The following SORBS2 variants were observed in gnomAD, a reference collection of about 807,000 sequenced individuals.
SORBS2 encodes sorbin and SH3 domain containing 2, also known as sorbin and SH3 domain-containing protein 2.
Under a neutral mutation model 97.7 loss-of-function variants are expected in SORBS2, and 46 were observed. The observed-to-expected ratio is 0.47, with a 90% CI of 0.37 to 0.60. The LOEUF is 0.60. SORBS2 is among the 20% of genes least tolerant of loss of function. The pLI is 0.00. For missense variants in SORBS2, 1,316 were observed against 1,282.3 expected, an observed-to-expected ratio of 1.03 and a Z score of -0.40; for synonymous variants, 476 against 473.4, an observed-to-expected ratio of 1.01 and a Z score of -0.07.
chr4:185,586,840 C>A (rs1301978916), exon 15 of SORBS2: 1 of 152,614 alleles, frequency 6.6e-6, no homozygotes, highest in Non-Finnish European at 1.5e-5. Context: ...TATAAAATAG[C>A]GATGCAACTT....
chr4:185,950,861 G>A (rs71624726), intron 1 of SORBS2, among the ~76,000 whole-genome samples: 2,847 of 152,270 alleles, frequency 0.019, 40 homozygotes, highest in Non-Finnish European at 0.027. Flanking sequence ...GTCTCTAAGA[G>A]CAGAATAGGA....
At chr4:185,810,409 G>GA (rs1350382991) in intron 1 of SORBS2, among the ~76,000 whole-genome samples, 1 of 152,072 alleles carries the variant, frequency 6.6e-6, no homozygotes, top group Non-Finnish European at 1.5e-5. Context: ...GATTTTGGAG[G>GA]AAAAAGGTAG....
intron 1 of SORBS2, among the ~76,000 whole-genome samples, chr4:185,827,258 C>CCAT (rs1561211077): frequency 5.2e-5 from 1 of 19,398 alleles, no homozygotes; most frequent in Non-Finnish European, 1.2e-4. Context: ...ATCATCATCA[C>CCAT]CATCATCACC....
intron 2 of SORBS2, among the ~76,000 whole-genome samples, chr4:185,711,911 G>A (rs1050425104): frequency 6.6e-6 from 1 of 152,062 alleles, no homozygotes; most frequent in Non-Finnish European, 1.5e-5. Context: ...CACTGATGGA[G>A]TTTCATTTTT....
chr4:185,611,857 C>T, exon 12 of SORBS2: 1 of 1,614,022 alleles, frequency 6.2e-7, no homozygotes, highest in Non-Finnish European at 8.5e-7. Flanking sequence ...TCCTCAGCAC[C>T]TTTTGTGTTC....
intron 1 of SORBS2, chr4:185,811,832 A>T: frequency 6.6e-6 from 1 of 152,458 alleles, no homozygotes; most frequent in Admixed American, 6.5e-5. Flanking sequence ...GCTTTTTCAG[A>T]CCTGCCGCTC....
rs532880181 is a variant in SORBS2 at position 185,669,559 on chromosome 4, G to A, written c.-45-7317C>T. ...ATGTGAAGAAGGAGTGCATGGCCAGGCCTCAGGAGAGGAGGGGAAAGTGCT... is the reference window on the plus strand; with the variant it reads ...ATGTGAAGAAGGAGTGCATGGCCAGACCTCAGGAGAGGAGGGGAAAGTGCT... On this transcript the variant is annotated intron_variant, in intron 4 of 20. Transcript: ENST00000284776. Among the ~76,000 whole-genome samples the A allele has an allele frequency of 2.6e-5, 4 of 152,288 alleles. No homozygotes were observed. The South Asian group carries it at 8.3e-4, about 32-fold the overall frequency.
At chr4:185,689,868 A>C (rs2098057872) in intron 2 of SORBS2, among the ~76,000 whole-genome samples, 1 of 152,230 alleles carries the variant, frequency 6.6e-6, no homozygotes, top group African/African-American at 2.4e-5. Context: ...CAAGTTACAA[A>C]ATTTCAACGA....
intron 1 of SORBS2, among the ~76,000 whole-genome samples, chr4:185,892,793 G>A (rs2099243126): frequency 6.6e-6 from 1 of 152,194 alleles, no homozygotes; most frequent in African/African-American, 2.4e-5. Flanking sequence ...ATTGTTTAAT[G>A]GGTACACAGT....
chr4:185,611,369 GA>G, intron 12 of SORBS2, among the ~76,000 whole-genome samples: 1 of 151,182 alleles, frequency 6.6e-6, no homozygotes, highest in East Asian at 1.9e-4. Context: ...ATACATGTAT[GA>G]ATATATGATT....
In SORBS2 at chr4:185,709,304, C is replaced by CTTTTTTTTTTT. The variant is rs70962587; in HGVS notation, c.-197-30493_-197-30483dup. 3.5e-3 allele frequency among the ~76,000 whole-genome samples: 339 copies of CTTTTTTTTTTT among 96,544 alleles called. 18 individuals are homozygous for CTTTTTTTTTTT. The highest frequency in any genetic ancestry group is 0.01 in the African/African-American group (253 of 24,264). 63.3% of individuals were successfully genotyped at this position (96,544 alleles called of 152,430 possible). On this transcript the variant is annotated intron_variant, in intron 2 of 20. Transcript: ENST00000284776. ...GCATGAGCCGCTGTGCTGGCCAAAT[C>CTTTTTTTTTTT]TTTTTTTTTTTTTTTTTTTTAGTAA...
At chr4:185,838,737 T>G (rs1337620818) in intron 1 of SORBS2, among the ~76,000 whole-genome samples, 2 of 152,178 alleles carry the variant, frequency 1.3e-5, no homozygotes, top group Non-Finnish European at 2.9e-5. Flanking sequence ...ATGTAAGCTT[T>G]GCCTCTGCCT....
chr4:185,602,201 G>A (rs2096278855), intron 12 of SORBS2, among the ~76,000 whole-genome samples: 1 of 152,036 alleles, frequency 6.6e-6, no homozygotes, highest in African/African-American at 2.4e-5. Flanking sequence ...GTAGAGACGG[G>A]GTTTCACCAT....
Position 185,593,621 on chromosome 4 carries a change from T to C in SORBS2, c.2846+265A>G, listed in dbSNP as rs2096011277. The C allele has an allele frequency of 6.9e-6, 3 of 435,372 alleles. No individual in the cohort carries two copies. In the South Asian group the frequency reaches 9.4e-5, roughly 14 times the overall value. The allele number at this position is 435,372 out of a possible 1,614,324, so 27.0% of individuals were successfully genotyped here. Reference sequence around the variant, plus strand: ...CAGAGCAGAGAGGGAGACAGAGTTATCCATCTTAGGAATCACTGAAGCATT... The same window carrying C: ...CAGAGCAGAGAGGGAGACAGAGTTACCCATCTTAGGAATCACTGAAGCATT... On this transcript the variant is annotated intron_variant, in intron 13 of 14. Transcript: ENST00000418609.
chr4:185,758,159 A>T (rs1052592080), intron 2 of SORBS2, among the ~76,000 whole-genome samples: 2 of 152,252 alleles, frequency 1.3e-5, no homozygotes, highest in African/African-American at 4.8e-5. Context: ...TCACATACCT[A>T]GTAAATCAGC....
In SORBS2 at chr4:185,685,453, G is replaced by A. The variant is rs186688071; in HGVS notation, c.-197-6631C>T. ...TTAGTGTTAGTTATGCAAATAACTAGCCTTATTAAAATAAAAGTATTGATA... is the reference window on the plus strand; with the variant it reads ...TTAGTGTTAGTTATGCAAATAACTAACCTTATTAAAATAAAAGTATTGATA... On this transcript the variant is annotated intron_variant, in intron 2 of 20. Transcript: ENST00000284776. Among the ~76,000 whole-genome samples, 12 of 152,294 alleles carry A rather than the reference G, an allele frequency of 7.9e-5. No individual in the cohort carries two copies. The East Asian group carries it at 1.7e-3, about 22-fold the overall frequency.
chr4:185,876,132 T>C (rs983276163), intron 1 of SORBS2, among the ~76,000 whole-genome samples: 2 of 152,004 alleles, frequency 1.3e-5, no homozygotes, highest in South Asian at 2.1e-4. Context: ...TTTTTTGAGA[T>C]GGAGTCCCAC....
chr4:185,694,702 C>CTTTTTTTTTT (rs1561959911), intron 2 of SORBS2, among the ~76,000 whole-genome samples: 1 of 84,588 alleles, frequency 1.2e-5, no homozygotes, highest in Non-Finnish European at 2.6e-5. Flanking sequence ...TTTTCCTTTT[C>CTTTTTTTTTT]TTTCTTTTCT....
At position 185,623,453 on chromosome 4, in the gene SORBS2, C is replaced by G; in HGVS notation, c.1676G>C (p.Ser559Thr). ...GGCCGGGCACCTGCCTTTGCAGGAGCTGATGAGGTGGCGGTGGTGGTGGTG... is the reference window on the plus strand; with the variant it reads ...GGCCGGGCACCTGCCTTTGCAGGAGGTGATGAGGTGGCGGTGGTGGTGGTG... Residue 559 changes from serine (S) to threonine (T), a missense_variant, in exon 7 of 15, where the codon AGC becomes ACC. Coordinates refer to ENST00000418609, the Ensembl canonical transcript of SORBS2. This position sits in a 1 kb window ranked among gnomAD's most constrained non-coding sequence, Gnocchi z 6.4. 6.2e-7 allele frequency: 1 copy of G among 1,612,122 alleles called. No individual in the cohort carries two copies. The highest frequency in any genetic ancestry group is 2.2e-5 in the East Asian group (1 of 44,870).
Sources: allele counts gnomAD v4.1 joint callset (sites outside exome capture counted in the v4.1 genomes callset), GRCh38; gene constraint gnomAD v4.1.1; non-coding constraint Gnocchi (gnomAD v3.1); transcripts MANE v1.5; gene names NCBI Gene and HGNC (gene_info 2026-07-23, HGNC 2026-07-21).